Variants in OSBPL9 observed in about 807,000 individuals in gnomAD.
OSBPL9 encodes the protein oxysterol-binding protein-related protein 9.
In OSBPL9, 40 loss-of-function variants were observed where a neutral mutation model predicts 106.6. The ratio of observed to expected loss-of-function variants is 0.38; its 90% CI spans 0.29 to 0.49. The LOEUF (loss-of-function observed/expected upper bound fraction) is 0.49, where lower values mean the gene tolerates loss of function less well. OSBPL9 is among the 20% of genes least tolerant of loss of function. The probability of loss-of-function intolerance (pLI) is 0.97; values close to 1 mark genes in which losing one functional copy is unlikely to be tolerated. For synonymous variants in OSBPL9, 269 were observed against 295.4 expected, an observed-to-expected ratio of 0.91 and a Z score of 0.92; for missense variants, 609 against 887.2, an observed-to-expected ratio of 0.69 and a Z score of 3.98.
At chr1:51,684,493 A>G (rs1653300614) in intron 3 of OSBPL9, among the ~76,000 whole-genome samples, 2 of 152,232 alleles carry the variant, frequency 1.3e-5, no homozygotes, top group South Asian at 2.1e-4. Flanking sequence ...CATGATAAAT[A>G]TATAAAATTT....
chr1:51,634,085 CTGT>C (rs777981823), intron 1 of OSBPL9, among the ~76,000 whole-genome samples: 4 of 152,214 alleles, frequency 2.6e-5, no homozygotes, highest in Non-Finnish European at 5.9e-5. Flanking sequence ...ATGGGTCTAG[CTGT>C]TGTTCTTGCT....
intron 3 of OSBPL9, among the ~76,000 whole-genome samples, chr1:51,674,317 T>C (rs1419715506): frequency 3.3e-5 from 5 of 152,206 alleles, no homozygotes; most frequent in Admixed American, 3.3e-4. Flanking sequence ...ATCAACTTTA[T>C]TGAGGTATAA....
chr1:51,742,612 T>A (rs1667171206), intron 4 of OSBPL9, among the ~76,000 whole-genome samples: 1 of 151,926 alleles, frequency 6.6e-6, no homozygotes, highest in Admixed American at 6.6e-5. Context: ...GGCACATGCC[T>A]ATAGTCCCAG....
chr1:51,711,504 G>GT (rs1231287931), intron 3 of OSBPL9, among the ~76,000 whole-genome samples: 5 of 134,068 alleles, frequency 3.7e-5, no homozygotes, highest in South Asian at 2.4e-4. Flanking sequence ...GGCTGGCCGG[G>GT]CGGGGGGCTG....
At chr1:51,590,024 C>A (rs1347345040) in intron 1 of OSBPL9, among the ~76,000 whole-genome samples, 4 of 122,066 alleles carry the variant, frequency 3.3e-5, no homozygotes, top group Non-Finnish European at 6.6e-5. Context: ...CAGTGTGAGA[C>A]TCCGTCTCAA....
At chr1:51,527,393 T>A in the OSBPL9 span, among the ~76,000 whole-genome samples, 1 of 152,020 alleles carries the variant, frequency 6.6e-6, no homozygotes. Flanking sequence ...TTGGGTTATC[T>A]TTTTTAAAAA....
chr1:51,774,501 C>G (rs1674626560), intron 14 of OSBPL9, among the ~76,000 whole-genome samples: 1 of 152,146 alleles, frequency 6.6e-6, no homozygotes, highest in Non-Finnish European at 1.5e-5. Context: ...AGAATGTTTT[C>G]TCACTTCAGA....
chr1:51,777,067 G>A, intron 15 of OSBPL9, 149 bp downstream of exon 15: 1 of 615,416 alleles, frequency 1.6e-6, no homozygotes, highest in Non-Finnish European at 2.8e-6. Flanking sequence ...TACACTGGTT[G>A]CCTGTTTGCT....
At chr1:51,677,072 C>A (rs555883893) in intron 3 of OSBPL9, among the ~76,000 whole-genome samples, 2 of 152,178 alleles carry the variant, frequency 1.3e-5, no homozygotes, top group African/African-American at 4.8e-5. Flanking sequence ...AGCCAAGATT[C>A]GTGCACATGT....
Position 51,782,584 on chromosome 1 carries a change from C to G in OSBPL9, c.1454C>G (p.Pro485Arg), listed in dbSNP as rs537485443. Reference protein sequence around the residue: ...NTELVSEGPVPWVSKNSVTFV... With the variant: ...NTELVSEGPVRWVSKNSVTFV... ...GAACTAGTTTCAGAAGGACCAGTTCCCTGGGTTTCCAAAAACAGTGTAACA... is the reference window on the plus strand; with the variant it reads ...GAACTAGTTTCAGAAGGACCAGTTCGCTGGGTTTCCAAAAACAGTGTAACA... Residue 485 changes from proline (P) to arginine (R), a missense_variant, in exon 17 of 24, where the codon CCC becomes CGC. Coordinates refer to ENST00000428468, the MANE Select transcript of OSBPL9 (RefSeq NM_024586.6). 9.9e-6 allele frequency: 16 copies of G among 1,613,920 alleles called. No homozygotes were observed. The African/African-American group carries it at 1.5e-4, about 15-fold the overall frequency.
At chr1:51,654,835 A>G (rs1052070630) in intron 2 of OSBPL9, among the ~76,000 whole-genome samples, 2 of 152,310 alleles carry the variant, frequency 1.3e-5, no homozygotes, top group African/African-American at 4.8e-5. Context: ...CAAAAAGGGT[A>G]TGATTCCACT....
rs1021311393 is a variant in OSBPL9, at chr1:51,590,775, G to C, written c.-422-7349G>C. Among the ~76,000 whole-genome samples, 2 of 151,970 alleles carry C rather than the reference G, an allele frequency of 1.3e-5. 1 individual carries two copies. Among genetic ancestry groups the C allele is most frequent in the South Asian group, 4.2e-4 (2 of 4,818 alleles). On this transcript the variant is annotated intron_variant, in intron 1 of 25. Transcript: ENST00000371714. ...TCTTAATTTTTTTTTTCCGAGACAG[G>C]GTCTCTCTTTGTTGCCCAGGCTGAA...
chr1:51,556,838 C>CGTGT, the OSBPL9 span, among the ~76,000 whole-genome samples: 1 of 147,792 alleles, frequency 6.8e-6, no homozygotes, highest in Non-Finnish European at 1.5e-5. Context: ...TATATATATA[C>CGTGT]ATATATATGT....
intron 1 of OSBPL9, among the ~76,000 whole-genome samples, chr1:51,580,952 AT>A (rs1467200001): frequency 6.6e-4 from 1 of 1,516 alleles, no homozygotes; most frequent in Non-Finnish European, 1.8e-3. Context: ...ATATATATAT[AT>A]AACTTTTTTG....
At chr1:51,590,722 T>C (rs559742052) in intron 1 of OSBPL9, among the ~76,000 whole-genome samples, 1 of 151,808 alleles carries the variant, frequency 6.6e-6, no homozygotes, top group South Asian at 2.1e-4. Flanking sequence ...ATAAAGAAGA[T>C]GAGGGAAATA....
At chr1:51,622,034 T>G (rs1051785623) in intron 1 of OSBPL9, among the ~76,000 whole-genome samples, 2 of 152,162 alleles carry the variant, frequency 1.3e-5, no homozygotes, top group East Asian at 3.8e-4. Context: ...TTTTTTATTT[T>G]AAAGAATATG....
chr1:51,621,597 A>G (rs1378206340), intron 1 of OSBPL9, among the ~76,000 whole-genome samples: 2 of 152,108 alleles, frequency 1.3e-5, no homozygotes, highest in African/African-American at 4.8e-5. Flanking sequence ...AGTATTTATT[A>G]ATATCAAATA....
At chr1:51,701,302 T>C (rs1415638578) in intron 3 of OSBPL9, among the ~76,000 whole-genome samples, 1 of 152,230 alleles carries the variant, frequency 6.6e-6, no homozygotes, top group Non-Finnish European at 1.5e-5. Flanking sequence ...TATTCAATTA[T>C]TTTATATTAA....
Position 51,726,498 on chromosome 1 carries a change from C to T in OSBPL9, c.318+12419C>T, listed in dbSNP as rs1663146236. The stretch of plus-strand genomic sequence containing the variant: ...GAGCAGAATGTGATTTCTAGGTAAA[C>T]ATTATTGGGCTCCCTAGCAGAAAAA... On this transcript the variant is annotated intron_variant, in intron 4 of 23. Coordinates refer to ENST00000428468, the MANE Select transcript of OSBPL9 (RefSeq NM_024586.6). 3.3e-5 allele frequency among the ~76,000 whole-genome samples: 5 copies of T among 152,182 alleles called. No individual in the cohort carries two copies. In the South Asian group the frequency reaches 1.0e-3, roughly 32 times the overall value.
Sources: allele counts gnomAD v4.1 joint callset (sites outside exome capture counted in the v4.1 genomes callset), GRCh38; gene constraint gnomAD v4.1.1; transcripts MANE v1.5; gene names NCBI Gene and HGNC (gene_info 2026-07-23, HGNC 2026-07-21).